Variants in BRME1 observed in about 807,000 individuals in gnomAD.
BRME1 encodes BRCA2 and MEILB2-associating protein 1.
Under a neutral mutation model 52.6 loss-of-function variants are expected in BRME1, and 31 were observed. That is an observed-to-expected ratio of 0.59 (90% confidence interval 0.44 to 0.80). The LOEUF (loss-of-function observed/expected upper bound fraction) is 0.80, where lower values mean the gene tolerates loss of function less well. BRME1 is among the 30% of genes least tolerant of loss of function. BRME1 has a pLI of 0.00. For synonymous variants in BRME1, 359 were observed against 353.6 expected, an observed-to-expected ratio of 1.02 and a Z score of -0.17; for missense variants, 804 against 860.3, an observed-to-expected ratio of 0.93 and a Z score of 0.82.
chr19:13,882,733 G>A lies in BRME1; in HGVS notation c.*69C>T, dbSNP rs2145093694. The A allele has an allele frequency of 6.3e-7, 1 of 1,592,746 alleles. No individual in the cohort carries two copies. The highest frequency in any genetic ancestry group is 1.4e-5 in the African/African-American group (1 of 73,560). On this transcript the variant is annotated 3_prime_UTR_variant, in exon 9 of 9. Transcript: ENST00000586783. ...TTTGTAGGGTCCACTAGGACCCCCT[G>A]GAGCATCTTGGAGGAGGTCTGCGGA...
rs76968872 is a variant in BRME1, at chr19:13,883,285, G to A, written c.1856+23C>T. ...ACTGGCCTCCCGCAGACCCTGTGCC[G>A]TGAGTCCAAGCCCACCCCGTACTTC... On this transcript the variant is annotated intron_variant, in intron 8 of 8. Transcript: ENST00000586783. The surrounding 1 kb of genome is among the most constrained non-coding windows in gnomAD (Gnocchi z 4.2). The A allele has an allele frequency of 6.6e-4, 1,007 of 1,521,404 alleles. 9 individuals are homozygous for A. The East Asian group carries it at 0.011, about 17-fold the overall frequency. The allele number at this position is 1,521,404 out of a possible 1,614,324, so 94.2% of individuals were successfully genotyped here. A position where few individuals can be genotyped will look rare whatever the true frequency, so the allele number is the denominator to read the frequency against.
intron 2 of BRME1, among the ~76,000 whole-genome samples, chr19:13,900,891 C>T (rs1276162105): frequency 6.6e-6 from 1 of 152,026 alleles, no homozygotes; most frequent in Non-Finnish European, 1.5e-5. Flanking sequence ...AGGTTGGTCT[C>T]GAACCCTGAC....
In BRME1 at chr19:13,906,041, T is replaced by C. The variant is rs1375212814; in HGVS notation, c.-348A>G. 1.2e-5 allele frequency: 2 copies of C among 165,108 alleles called. No homozygotes were observed. Among genetic ancestry groups the C allele is most frequent in the Non-Finnish European group, 2.6e-5 (2 of 76,356 alleles). 10.2% of individuals were successfully genotyped at this position (165,108 alleles called of 1,614,324 possible). ...TGACAGACGCTCTGAACCCCACAGATGTCGCCGCCCCTCACACCTGCGCGC... is the reference window on the plus strand; with the variant it reads ...TGACAGACGCTCTGAACCCCACAGACGTCGCCGCCCCTCACACCTGCGCGC... On this transcript the variant is annotated 5_prime_UTR_variant, in exon 1 of 9. Coordinates refer to ENST00000586783, the MANE Select transcript of BRME1 (RefSeq NM_001345843.2). The surrounding 1 kb of genome is among the most constrained non-coding windows in gnomAD (Gnocchi z 4.1).
chr19:13,905,154 G>A (rs1448263336), intron 1 of BRME1, among the ~76,000 whole-genome samples: 4 of 152,090 alleles, frequency 2.6e-5, no homozygotes, highest in Admixed American at 2.0e-4. Context: ...GGACCTGAAA[G>A]ACAAATGGGC....
chr19:13,900,686 G>A (rs145766793), intron 2 of BRME1, among the ~76,000 whole-genome samples: 201 of 151,956 alleles, frequency 1.3e-3, no homozygotes, highest in African/African-American at 4.7e-3. Context: ...TTCTGACTTG[G>A]TTTGTTCCTT....
chr19:13,890,999 C>G (rs74904523), intron 5 of BRME1, among the ~76,000 whole-genome samples: 1 of 152,024 alleles, frequency 6.6e-6, no homozygotes, highest in Non-Finnish European at 1.5e-5. Context: ...CCAGGGCCGG[C>G]GACTGGAGGG....
rs991399697 is a variant in BRME1 at position 13,888,829 on chromosome 19, C to T, written c.1668+359G>A. 2.6e-5 allele frequency among the ~76,000 whole-genome samples: 4 copies of T among 152,228 alleles called. No homozygotes were observed. Among genetic ancestry groups the T allele is most frequent in the East Asian group, 1.9e-4 (1 of 5,172 alleles). ...CAGCTTCTCTCCATCTGTGTCTACC[C>T]GCCTCAATACATCCCCTGGGACCCC... On this transcript the variant is annotated intron_variant, in intron 6 of 8. Transcript: ENST00000586783. This position sits in a 1 kb window ranked among gnomAD's most constrained non-coding sequence, Gnocchi z 4.1.
In BRME1 at chr19:13,890,332, C is replaced by T. The variant is rs1175596418; in HGVS notation, c.524G>A (p.Ser175Asn). 1.9e-6 allele frequency: 3 copies of T among 1,599,838 alleles called. No homozygotes were observed. Among genetic ancestry groups the T allele is most frequent in the Admixed American group, 1.7e-5 (1 of 58,784 alleles). The change falls in exon 6 of 9, where the codon AGC (serine) becomes AAC (asparagine). Residue 175 changes from serine (S) to asparagine (N), a missense_variant. Ser to Asn is a conservative substitution (Grantham distance 46). Coordinates refer to ENST00000586783, the MANE Select transcript of BRME1 (RefSeq NM_001345843.2). Reference protein sequence around the residue: ...TQADSARPEQSSQSPVQAVPG... With the variant: ...TQADSARPEQNSQSPVQAVPG... ...CACCGCCTGCACAGGGCTCTGGCTG[C>T]TCTGCTCAGGGCGGGCACTGTCTGC...
At position 13,889,541 on chromosome 19, in the gene BRME1, A is replaced by T; in HGVS notation, c.1315T>A (p.Ser439Thr). The change falls in exon 6 of 9, where the codon TCC (serine) becomes ACC (threonine). Residue 439 changes from serine (S) to threonine (T), a missense_variant. Coordinates refer to ENST00000586783, the MANE Select transcript of BRME1 (RefSeq NM_001345843.2). ...TTGACACATGGACCTGTGTCCGGGGATGCATGACCGGAATCTCCAGCACCC... is the reference window on the plus strand; with the variant it reads ...TTGACACATGGACCTGTGTCCGGGGTTGCATGACCGGAATCTCCAGCACCC... ...MMGAGDSGHASPDTGPCVNQK... is the reference protein window; with the variant it reads ...MMGAGDSGHATPDTGPCVNQK... 6.2e-7 allele frequency: 1 copy of T among 1,613,670 alleles called. No homozygotes were observed. The highest frequency in any genetic ancestry group is 8.5e-7 in the Non-Finnish European group (1 of 1,180,014).
rs762939678 is a variant in BRME1, at chr19:13,893,187, G to A, written c.243C>T (p.Leu81=). 1 of 1,590,790 alleles carries A rather than the reference G, an allele frequency of 6.3e-7. No homozygotes were observed. The highest frequency in any genetic ancestry group is 8.5e-7 in the Non-Finnish European group (1 of 1,170,750). Residue 81 remains leucine, a synonymous_variant, in exon 4 of 9, where the codon CTC becomes CTT. Coordinates refer to ENST00000586783, the MANE Select transcript of BRME1 (RefSeq NM_001345843.2). ...PDEETGSPCR[L]LRQPEKEPAP... ...CTGGCTCCTTTTCTGGTTGACGGAG[G>A]AGCCGGCAGGGAGATCCTGTTTCCT... is the stretch of plus-strand genomic sequence containing the variant.
At chr19:13,904,601 C>A (rs1342513624) in intron 2 of BRME1, among the ~76,000 whole-genome samples, 1 of 151,732 alleles carries the variant, frequency 6.6e-6, no homozygotes, top group African/African-American at 2.4e-5. Context: ...GCCACAACAC[C>A]TGGCTAATTT....
chr19:13,885,918 T>C (rs200806380), intron 7 of BRME1, 43 bp downstream of exon 7: 4 of 1,564,658 alleles, frequency 2.6e-6, no homozygotes, highest in East Asian at 4.5e-5. Context: ...TTGGTAAAAT[T>C]TGTGAGGGTC....
At chr19:13,902,939 A>G (rs548732830) in intron 2 of BRME1, among the ~76,000 whole-genome samples, 6 of 152,074 alleles carry the variant, frequency 3.9e-5, no homozygotes, top group African/African-American at 9.6e-5. Context: ...AAAAAAAAAA[A>G]AAGTCTAGAA....
At chr19:13,894,354 G>T (rs145268169) in intron 3 of BRME1, among the ~76,000 whole-genome samples, 1 of 151,972 alleles carries the variant, frequency 6.6e-6, no homozygotes, top group African/African-American at 2.4e-5. Context: ...GTGAAACCCC[G>T]TCTCTACTAA....
rs375174278 is a variant in BRME1, at chr19:13,886,049, G to A, written c.1675C>T (p.Pro559Ser). The change falls in exon 7 of 9, where the codon CCT (proline) becomes TCT (serine). Residue 559 changes from proline (P) to serine (S), a missense_variant. Pro to Ser is a moderately conservative substitution (Grantham distance 74). Transcript: ENST00000586783. ...CAAGGGCCCGGCTTGTTCCCCGAAG[G>A]AAAGAGCTGGAAAGAGAGCACAAGG... is the stretch of plus-strand genomic sequence containing the variant. ...DFEAPPEQLF[P>S]SGNKPGPCWP... 7 of 1,613,668 alleles carry A rather than the reference G, an allele frequency of 4.3e-6. No individual in the cohort carries two copies. In the African/African-American group the frequency reaches 6.7e-5, roughly 15 times the overall value.
At chr19:13,892,918 G>C (rs552455358) in intron 4 of BRME1, 28 bp from the exon 5 acceptor site, 1 of 1,592,550 alleles carries the variant, frequency 6.3e-7, no homozygotes, top group Non-Finnish European at 8.6e-7. Context: ...GAACAAAGCA[G>C]CAATAAAGAT....
chr19:13,892,779 G>A lies in BRME1; in HGVS notation c.393+7C>T, dbSNP rs369073842. 6.2e-7 allele frequency: 1 copy of A among 1,609,840 alleles called. No homozygotes were observed. Among genetic ancestry groups the A allele is most frequent in the South Asian group, 1.1e-5 (1 of 90,974 alleles). On this transcript the variant is annotated splice_region_variant and intron_variant, in intron 5 of 8. Transcript: ENST00000586783. ...TGGGCTCAGCCTGGCTGATTTTAGA[G>A]CCTTACCAGGCTAAAGGCCCCACTC...
In BRME1 at chr19:13,889,453, C is replaced by T. The variant is rs767965036; in HGVS notation, c.1403G>A (p.Arg468Gln). ...EAELGGQNLE[R>Q]DLEGFRVSPQ... ...GGACACACGGAACCCCTCGAGGTCTCGTTCGAGGTTCTGGCCACCTAACTC... is the reference window on the plus strand; with the variant it reads ...GGACACACGGAACCCCTCGAGGTCTTGTTCGAGGTTCTGGCCACCTAACTC... The change falls in exon 6 of 9, where the codon CGA becomes CAA. Residue 468 changes from arginine (R) to glutamine (Q), a missense_variant. Coordinates refer to ENST00000586783, the MANE Select transcript of BRME1 (RefSeq NM_001345843.2). 1.9e-6 allele frequency: 3 copies of T among 1,613,984 alleles called. No individual in the cohort carries two copies. Among genetic ancestry groups the T allele is most frequent in the Non-Finnish European group, 8.5e-7 (1 of 1,180,032 alleles).
chr19:13,896,263 C>T (rs930623466), intron 2 of BRME1, among the ~76,000 whole-genome samples: 1 of 149,520 alleles, frequency 6.7e-6, no homozygotes, highest in Admixed American at 6.7e-5. Context: ...GAGCGAGACT[C>T]TGTCTCAAAA....
Sources: gnomAD v4.1 joint callset for allele counts (sites outside exome capture counted in the v4.1 genomes callset) on GRCh38, gnomAD v4.1.1 for gene constraint, Gnocchi (gnomAD v3.1) non-coding constraint, MANE v1.5 for transcripts, NCBI Gene and HGNC (gene_info 2026-07-23, HGNC 2026-07-21) for gene names.